FBXO11: variants seen among roughly 807,000 people sequenced by gnomAD.
FBXO11 encodes F-box protein 11, also known as F-box only protein 11.
FBXO11 carries 13 observed loss-of-function variants against 117.0 expected under a neutral mutation model. The observed-to-expected ratio is 0.11, with a 90% CI of 0.07 to 0.18. The LOEUF is 0.18. Ranked by LOEUF, FBXO11 falls within the 10% of genes least tolerant of loss-of-function variation. FBXO11 has a pLI of 1.00. For synonymous variants in FBXO11, 490 were observed against 380.5 expected (o/e 1.29, Z -3.35); for missense variants, 767 against 1,164.4 (o/e 0.66, Z 4.97).
chr2:47,848,185 T>A (rs1192078700), intron 1 of FBXO11, among the ~76,000 whole-genome samples: 1 of 151,528 alleles, frequency 6.6e-6, no homozygotes, highest in South Asian at 2.1e-4. Context: ...TATCTTTCAC[T>A]AAACCTTTAT....
intron 16 of FBXO11, among the ~76,000 whole-genome samples, chr2:47,815,282 C>T (rs567470270): frequency 3.9e-5 from 6 of 152,318 alleles, no homozygotes; most frequent in East Asian, 3.9e-4. Context: ...CCAGCAAAGC[C>T]GCTCTGTACA....
At chr2:47,905,343 C>T in intron 1 of FBXO11, 146 bp downstream of exon 1, 1 of 843,486 alleles carries the variant, frequency 1.2e-6, no homozygotes, top group Non-Finnish European at 1.5e-6. Flanking sequence ...GACACTGCGG[C>T]ACCGGGGGAC....
chr2:47,900,217 T>C (rs982224764), intron 1 of FBXO11, among the ~76,000 whole-genome samples: 21 of 152,094 alleles, frequency 1.4e-4, no homozygotes, highest in African/African-American at 4.6e-4. Flanking sequence ...TTTAAGAAAA[T>C]AGGCTCTTTT....
chr2:47,900,616 A>G (rs1345275736), intron 1 of FBXO11, among the ~76,000 whole-genome samples: 1 of 79,824 alleles, frequency 1.3e-5, no homozygotes, highest in East Asian at 3.7e-4. Flanking sequence ...ACACACGTAT[A>G]TACACACGTA....
Position 47,845,444 on chromosome 2 carries a change from TTAC to T in FBXO11, c.233-5678_233-5676del, listed in dbSNP as rs796329985. ...ATTTCTACATAGTTCTCATATTAAA[TTAC>T]TACTGACTGTTCTGAGAATCAAGTA... On this transcript the variant is annotated intron_variant, in intron 1 of 22. Transcript: ENST00000403359. Among the ~76,000 whole-genome samples the T allele has an allele frequency of 1.1e-4, 16 of 152,286 alleles. 1 individual carries two copies. The highest frequency in any genetic ancestry group is 3.6e-4 in the African/African-American group (15 of 41,546).
At chr2:47,814,012 A>C (rs1670825601) in intron 16 of FBXO11, 145 bp from the exon 17 acceptor site, 1 of 609,572 alleles carries the variant, frequency 1.6e-6, no homozygotes, top group Non-Finnish European at 2.9e-6. Flanking sequence ...CCTGAGAAGA[A>C]AGTGGTTTAA....
intron 1 of FBXO11, among the ~76,000 whole-genome samples, chr2:47,861,173 C>G (rs1042527362): frequency 7.9e-5 from 12 of 152,072 alleles, no homozygotes; most frequent in African/African-American, 2.7e-4. Context: ...AAGTCTTAAA[C>G]TGGGAAGTGT....
At chr2:47,829,645 T>G (rs1672033553) in intron 11 of FBXO11, among the ~76,000 whole-genome samples, 1 of 151,964 alleles carries the variant, frequency 6.6e-6, no homozygotes, top group Non-Finnish European at 1.5e-5. Flanking sequence ...AAGAGAAAAT[T>G]TGATGATATT....
chr2:47,854,233 T>C (rs1440831824), intron 1 of FBXO11, among the ~76,000 whole-genome samples: 2 of 151,826 alleles, frequency 1.3e-5, no homozygotes, highest in Non-Finnish European at 2.9e-5. Flanking sequence ...AGTCTCGCTC[T>C]GTCACCCAGG....
chr2:47,813,582 C>A (rs1317652933), intron 17 of FBXO11, among the ~76,000 whole-genome samples: 2 of 151,768 alleles, frequency 1.3e-5, no homozygotes, highest in Admixed American at 6.6e-5. Flanking sequence ...CAGGCGTGTG[C>A]CACCATGTCC....
At chr2:47,882,142 C>T (rs1183670107) in intron 1 of FBXO11, among the ~76,000 whole-genome samples, 1 of 152,228 alleles carries the variant, frequency 6.6e-6, no homozygotes, top group African/African-American at 2.4e-5. Flanking sequence ...CTACTATTTT[C>T]CTCAAGAAGG....
At chr2:47,862,075 G>T (rs1048847711) in intron 1 of FBXO11, among the ~76,000 whole-genome samples, 2 of 151,976 alleles carry the variant, frequency 1.3e-5, no homozygotes, top group Non-Finnish European at 2.9e-5. Context: ...ACCATGCCTG[G>T]CTAATTTTTT....
intron 1 of FBXO11, among the ~76,000 whole-genome samples, chr2:47,872,182 T>C (rs1199790272): frequency 6.6e-6 from 1 of 152,218 alleles, no homozygotes; most frequent in Non-Finnish European, 1.5e-5. Flanking sequence ...AGGCATAAAA[T>C]GCTGTTTAGA....
chr2:47,846,808 G>C (rs1223697484), intron 1 of FBXO11, among the ~76,000 whole-genome samples: 1 of 151,906 alleles, frequency 6.6e-6, no homozygotes, highest in Non-Finnish European at 1.5e-5. Context: ...CTAAATCTTT[G>C]AAAATAGTAC....
At chr2:47,845,385 C>T (rs1673326508) in intron 1 of FBXO11, among the ~76,000 whole-genome samples, 1 of 152,172 alleles carries the variant, frequency 6.6e-6, no homozygotes, top group African/African-American at 2.4e-5. Context: ...TATAAAATCA[C>T]TGTTTTGAAC....
chr2:47,828,326 A>C (rs997249722), intron 11 of FBXO11, among the ~76,000 whole-genome samples: 1 of 152,166 alleles, frequency 6.6e-6, no homozygotes, highest in Admixed American at 6.6e-5. Context: ...CAACATGTAT[A>C]AATTTTTTGA....
At chr2:47,901,231 T>C (rs1007835228) in intron 1 of FBXO11, among the ~76,000 whole-genome samples, 2 of 149,826 alleles carry the variant, frequency 1.3e-5, no homozygotes, top group African/African-American at 2.5e-5. Flanking sequence ...CCCACAAATA[T>C]GGGATTAGAG....
intron 16 of FBXO11, chr2:47,814,132 C>A: frequency 3.0e-6 from 1 of 334,280 alleles, no homozygotes; most frequent in Non-Finnish European, 5.6e-6. Context: ...ATATATTCCC[C>A]TCATATGTAA....
intron 11 of FBXO11, among the ~76,000 whole-genome samples, chr2:47,826,647 G>C (rs974095687): frequency 6.6e-6 from 1 of 152,148 alleles, no homozygotes; most frequent in Non-Finnish European, 1.5e-5. Context: ...GCTATTCAGA[G>C]TTGAGCCATA....
Sources: gnomAD v4.1 joint callset for allele counts (sites outside exome capture counted in the v4.1 genomes callset) on GRCh38, gnomAD v4.1.1 for gene constraint, MANE v1.5 for transcripts, NCBI Gene and HGNC (gene_info 2026-07-23, HGNC 2026-07-21) for gene names.